SNTG1: variants seen among roughly 807,000 people sequenced by gnomAD.
SNTG1 encodes the protein syntrophin gamma 1, also known as gamma-1-syntrophin.
A neutral mutation model predicts 74.7 loss-of-function variants in SNTG1; 39 were observed. The ratio of observed to expected loss-of-function variants is 0.52; its 90% CI spans 0.40 to 0.68. The LOEUF (loss-of-function observed/expected upper bound fraction) is 0.68. Among genes scored for constraint, SNTG1 ranks in the 30% least tolerant of loss-of-function variants. The probability of loss-of-function intolerance (pLI) is 0.00; values close to 1 mark genes in which losing one functional copy is unlikely to be tolerated. For missense variants in SNTG1, 685 were observed against 609.5 expected, an observed-to-expected ratio of 1.12 and a Z score of -1.30; for synonymous variants, 254 against 217.1, an observed-to-expected ratio of 1.17 and a Z score of -1.49.
chr8:50,236,819 A>G (rs902066167), intron 2 of SNTG1, among the ~76,000 whole-genome samples: 5 of 152,216 alleles, frequency 3.3e-5, no homozygotes, highest in African/African-American at 9.6e-5. Context: ...TGTAGACATT[A>G]CACAGCTTCA....
At chr8:50,555,131 G>T (rs1440555671) in intron 12 of SNTG1, among the ~76,000 whole-genome samples, 2 of 152,082 alleles carry the variant, frequency 1.3e-5, no homozygotes, top group Admixed American at 6.6e-5. Flanking sequence ...GGGACAAGCC[G>T]CATTTTACTG....
intron 2 of SNTG1, among the ~76,000 whole-genome samples, chr8:50,233,457 C>G (rs1321717397): frequency 6.6e-6 from 1 of 151,692 alleles, no homozygotes; most frequent in African/African-American, 2.4e-5. Context: ...GCCTTTAACT[C>G]TATAAAACTT....
chr8:50,159,258 A>G (rs1292142554), intron 1 of SNTG1, among the ~76,000 whole-genome samples: 1 of 151,466 alleles, frequency 6.6e-6, no homozygotes, highest in Non-Finnish European at 1.5e-5. Flanking sequence ...TTGTTACTAA[A>G]CTCTTTAGGT....
At chr8:50,678,006 G>T (rs1474295750) in intron 15 of SNTG1, among the ~76,000 whole-genome samples, 4 of 151,794 alleles carry the variant, frequency 2.6e-5, no homozygotes, top group African/African-American at 9.7e-5. Flanking sequence ...AGGGAATTTA[G>T]TGGACTGATC....
chr8:50,100,196 G>A (rs1157177650), intron 1 of SNTG1, among the ~76,000 whole-genome samples: 1 of 152,014 alleles, frequency 6.6e-6, no homozygotes, highest in Non-Finnish European at 1.5e-5. Context: ...TCACTCATAT[G>A]CAGAAGCTAA....
chr8:50,739,258 T>C (rs1052618397), intron 17 of SNTG1, among the ~76,000 whole-genome samples: 1 of 151,920 alleles, frequency 6.6e-6, no homozygotes, highest in African/African-American at 2.4e-5. Context: ...GCCAAGTATA[T>C]GAACAGACAC....
intron 2 of SNTG1, among the ~76,000 whole-genome samples, chr8:50,310,972 AG>A: frequency 6.6e-6 from 1 of 152,278 alleles, no homozygotes; most frequent in East Asian, 1.9e-4. Flanking sequence ...TGAGGACAAA[AG>A]TCCAGAAAAT....
intron 13 of SNTG1, among the ~76,000 whole-genome samples, chr8:50,618,680 T>C (rs529793464): frequency 9.8e-5 from 15 of 152,340 alleles, no homozygotes; most frequent in Admixed American, 3.9e-4. Flanking sequence ...CATTAGGTCG[T>C]TGGCAAAATT....
chr8:50,372,161 C>G (rs1158075016), intron 2 of SNTG1, among the ~76,000 whole-genome samples: 2 of 147,548 alleles, frequency 1.4e-5, no homozygotes, highest in African/African-American at 4.9e-5. Flanking sequence ...GTTATCTTAT[C>G]CCATGTCAAC....
intron 2 of SNTG1, among the ~76,000 whole-genome samples, chr8:50,322,891 A>G (rs536417461): frequency 4.7e-4 from 72 of 152,026 alleles, no homozygotes; most frequent in Middle Eastern, 3.4e-3. Context: ...CCAAGGAAGC[A>G]GATTGCCTGA....
intron 1 of SNTG1, among the ~76,000 whole-genome samples, chr8:50,149,903 A>C (rs1024419782): frequency 1.3e-5 from 2 of 152,140 alleles, no homozygotes; most frequent in Non-Finnish European, 2.9e-5. Context: ...TATGAACTTT[A>C]AAGTAGTTTT....
At chr8:50,546,124 G>A (rs1426020281) in intron 11 of SNTG1, among the ~76,000 whole-genome samples, 1 of 152,076 alleles carries the variant, frequency 6.6e-6, no homozygotes, top group African/African-American at 2.4e-5. Flanking sequence ...GTTTTAAGGA[G>A]AAGAAAGAGT....
At chr8:50,550,693 G>GTGTATATATATATATATATA (rs1554571332) in intron 11 of SNTG1, among the ~76,000 whole-genome samples, 2 of 149,028 alleles carry the variant, frequency 1.3e-5, no homozygotes, top group African/African-American at 2.5e-5. Context: ...TAGTGTGTGT[G>GTGTATATATATATATATATA]TATATATATA....
rs547453702 is a variant in SNTG1 at position 50,052,270 on chromosome 8, T to C, written c.-102-120291T>C. On this transcript the variant is annotated intron_variant, in intron 1 of 18. Transcript: ENST00000642720. Reference sequence around the variant, plus strand: ...ACTTGGGAGTTTAGAAATACAGTTTTACACTAAAATTCATTGTTACAACAT... The same window carrying C: ...ACTTGGGAGTTTAGAAATACAGTTTCACACTAAAATTCATTGTTACAACAT... Among the ~76,000 whole-genome samples the C allele has an allele frequency of 3.1e-3, 466 of 152,206 alleles. 3 individuals are homozygous for C. The highest frequency in any genetic ancestry group is 5.6e-3 in the Non-Finnish European group (381 of 67,978).
intron 1 of SNTG1, among the ~76,000 whole-genome samples, chr8:50,053,138 A>G (rs917212618): frequency 1.3e-5 from 2 of 152,198 alleles, no homozygotes; most frequent in African/African-American, 4.8e-5. Flanking sequence ...AAAGGGTCAT[A>G]GTGGAATTAC....
At chr8:50,068,595 A>G (rs1217790574) in intron 1 of SNTG1, among the ~76,000 whole-genome samples, 1 of 152,152 alleles carries the variant, frequency 6.6e-6, no homozygotes, top group Non-Finnish European at 1.5e-5. Context: ...CGCATGGAGC[A>G]CTTTCTCACA....
intron 1 of SNTG1, among the ~76,000 whole-genome samples, chr8:50,153,505 GCT>G (rs1230641167): frequency 6.6e-6 from 1 of 152,124 alleles, no homozygotes; most frequent in East Asian, 1.9e-4. Flanking sequence ...CAGCTTTTCT[GCT>G]CTGTTTTTTC....
intron 4 of SNTG1, among the ~76,000 whole-genome samples, chr8:50,422,466 G>A (rs1268048656): frequency 6.6e-6 from 1 of 152,154 alleles, no homozygotes; most frequent in Non-Finnish European, 1.5e-5. Context: ...GGTACTTTCT[G>A]CCTGCTGCAC....
At chr8:50,188,811 G>T (rs1263042916) in intron 2 of SNTG1, among the ~76,000 whole-genome samples, 1 of 152,088 alleles carries the variant, frequency 6.6e-6, no homozygotes, top group Non-Finnish European at 1.5e-5. Flanking sequence ...GTTCACTGAG[G>T]ATAGTAAGGC....
Sources: allele counts gnomAD v4.1 joint callset (sites outside exome capture counted in the v4.1 genomes callset), GRCh38; gene constraint gnomAD v4.1.1; transcripts MANE v1.5; gene names NCBI Gene and HGNC (gene_info 2026-07-23, HGNC 2026-07-21).